Variants in CSMD1 observed in about 807,000 individuals in gnomAD.
The protein encoded by CSMD1 is CUB and Sushi multiple domains 1.
CSMD1 carries 213 observed loss-of-function variants against 417.5 expected under a neutral mutation model. The observed-to-expected ratio is 0.51, with a 90% CI of 0.46 to 0.57. The LOEUF (loss-of-function observed/expected upper bound fraction) is 0.57, where lower values mean the gene tolerates loss of function less well. CSMD1 is among the 20% of genes least tolerant of loss of function. The probability of loss-of-function intolerance (pLI) is 0.00; values close to 1 mark genes in which losing one functional copy is unlikely to be tolerated. For missense variants in CSMD1, 6,923 were observed against 4,529.7 expected (o/e 1.53, Z -15.17); for synonymous variants, 2,862 against 1,736.8 (o/e 1.65, Z -16.11).
chr8:3,594,049 G>C (rs1464430899), intron 8 of CSMD1, among the ~76,000 whole-genome samples: 1 of 152,184 alleles, frequency 6.6e-6, no homozygotes, highest in East Asian at 1.9e-4. Context: ...GAAAAGGAAT[G>C]AGAGAGGAAA....
chr8:3,739,042 T>A (rs1365529379), intron 6 of CSMD1, among the ~76,000 whole-genome samples: 1 of 152,246 alleles, frequency 6.6e-6, no homozygotes, highest in African/African-American at 2.4e-5. Context: ...TTCTGTTTTC[T>A]AGTTATGTTC....
chr8:4,028,789 T>G (rs925795571), intron 4 of CSMD1, among the ~76,000 whole-genome samples: 1 of 152,242 alleles, frequency 6.6e-6, no homozygotes, highest in African/African-American at 2.4e-5. Flanking sequence ...AGTGAAGTTT[T>G]TAGCAAATTT....
At chr8:3,633,010 C>A (rs12541127) in intron 7 of CSMD1, among the ~76,000 whole-genome samples, 3 of 152,146 alleles carry the variant, frequency 2.0e-5, no homozygotes, top group South Asian at 2.1e-4. Context: ...GATATGTTTC[C>A]TCAGTGAGTG....
rs533508139 is a variant in CSMD1, at chr8:3,470,468, T to A, written c.1449-1644A>T. On this transcript the variant is annotated intron_variant, in intron 11 of 69. Transcript: ENST00000635120. Reference sequence around the variant, plus strand: ...GTAACATCTTGCAAAACTATAACAATCAGGACATTGACATGGATACAACCT... The same window carrying A: ...GTAACATCTTGCAAAACTATAACAAACAGGACATTGACATGGATACAACCT... 3.9e-5 allele frequency among the ~76,000 whole-genome samples: 6 copies of A among 152,294 alleles called. No homozygotes were observed. In the South Asian group the frequency reaches 1.2e-3, roughly 32 times the overall value.
intron 62 of CSMD1, among the ~76,000 whole-genome samples, chr8:2,959,350 G>C (rs991123209): frequency 6.6e-6 from 1 of 152,058 alleles, no homozygotes; most frequent in Non-Finnish European, 1.5e-5. Flanking sequence ...TCTTCTGCCT[G>C]GGCCTCCCAA....
intron 12 of CSMD1, among the ~76,000 whole-genome samples, chr8:3,411,725 CAT>C (rs1812725164): frequency 8.4e-6 from 1 of 119,004 alleles, no homozygotes; most frequent in African/African-American, 3.3e-5. Flanking sequence ...TATACACGTA[CAT>C]ATATACACGT....
intron 6 of CSMD1, among the ~76,000 whole-genome samples, chr8:3,733,528 A>C (rs544313500): frequency 3.2e-4 from 48 of 152,132 alleles, no homozygotes; most frequent in Non-Finnish European, 6.5e-4. Flanking sequence ...TTCAACGAAA[A>C]ATTTCAGAAA....
chr8:4,754,147 A>C (rs1393540437), intron 1 of CSMD1, among the ~76,000 whole-genome samples: 1 of 152,198 alleles, frequency 6.6e-6, no homozygotes, highest in South Asian at 2.1e-4. Context: ...AATAAAATAG[A>C]CACTTCTGAT....
At chr8:3,853,686 G>A (rs1429269881) in intron 5 of CSMD1, among the ~76,000 whole-genome samples, 7 of 151,864 alleles carry the variant, frequency 4.6e-5, no homozygotes, top group Non-Finnish European at 1.5e-5. Flanking sequence ...GTGGCAGTGT[G>A]CAGTTGGATA....
chr8:3,139,905 C>CTTTTT (rs56391105), intron 41 of CSMD1, among the ~76,000 whole-genome samples: 1 of 127,130 alleles, frequency 7.9e-6, no homozygotes. Context: ...TTCTTTCTTT[C>CTTTTT]TTTTTTTTTT....
intron 3 of CSMD1, among the ~76,000 whole-genome samples, chr8:4,276,725 A>G (rs1383841472): frequency 6.6e-6 from 1 of 152,224 alleles, no homozygotes; most frequent in Non-Finnish European, 1.5e-5. Flanking sequence ...TTTAATAAAT[A>G]AAAGGAAATG....
intron 10 of CSMD1, among the ~76,000 whole-genome samples, chr8:3,567,997 T>A (rs1165267885): frequency 6.6e-6 from 1 of 152,208 alleles, no homozygotes; most frequent in African/African-American, 2.4e-5. Flanking sequence ...GGAATTCATC[T>A]GATGCCTTAG....
At chr8:3,731,261 T>C (rs777972901) in intron 6 of CSMD1, among the ~76,000 whole-genome samples, 2 of 152,196 alleles carry the variant, frequency 1.3e-5, no homozygotes, top group African/African-American at 2.4e-5. Flanking sequence ...GCATTCTACA[T>C]TGACCAGCAT....
intron 1 of CSMD1, among the ~76,000 whole-genome samples, chr8:4,968,244 T>A (rs6992245): frequency 0.51 from 77,457 of 151,812 alleles, 20,346 homozygotes; most frequent in Middle Eastern, 0.62. Context: ...AAAATTCAAT[T>A]TATATTATGG....
At chr8:4,390,572 G>T (rs979925135) in intron 3 of CSMD1, among the ~76,000 whole-genome samples, 5 of 144,006 alleles carry the variant, frequency 3.5e-5, no homozygotes, top group Admixed American at 7.1e-5. Context: ...GGAGTGCAGT[G>T]GTGCGATCTC....
intron 29 of CSMD1, among the ~76,000 whole-genome samples, chr8:3,215,696 T>G (rs969290127): frequency 6.6e-6 from 1 of 152,200 alleles, no homozygotes; most frequent in Non-Finnish European, 1.5e-5. Context: ...ATTTTTAATT[T>G]TCTGTTTCAA....
At chr8:4,011,465 C>G (rs1585128624) in intron 4 of CSMD1, among the ~76,000 whole-genome samples, 1 of 152,176 alleles carries the variant, frequency 6.6e-6, no homozygotes, top group Non-Finnish European at 1.5e-5. Flanking sequence ...CATTTGCGGT[C>G]TTTAACCTTG....
chr8:4,568,450 C>T (rs1371081774), intron 2 of CSMD1, among the ~76,000 whole-genome samples: 1 of 152,142 alleles, frequency 6.6e-6, no homozygotes, highest in Non-Finnish European at 1.5e-5. Flanking sequence ...GACATGAACT[C>T]ATTCTTTTTT....
intron 3 of CSMD1, among the ~76,000 whole-genome samples, chr8:4,062,829 T>C (rs1799048602): frequency 1.3e-5 from 2 of 151,994 alleles, no homozygotes; most frequent in Admixed American, 6.6e-5. Context: ...TTTAGGTCTT[T>C]GTGTGTCAAA....
Sources: allele counts gnomAD v4.1 joint callset (sites outside exome capture counted in the v4.1 genomes callset), GRCh38; gene constraint gnomAD v4.1.1; transcripts MANE v1.5; gene names NCBI Gene and HGNC (gene_info 2026-07-23, HGNC 2026-07-21).